The following BABAM2 variants were observed in gnomAD, a reference collection of about 807,000 sequenced individuals.
BABAM2 encodes BRISC and BRCA1 A complex member 2.
BABAM2 carries 31 observed loss-of-function variants against 54.7 expected under a neutral mutation model. That is an observed-to-expected ratio of 0.57 (90% CI 0.43 to 0.77). The LOEUF (loss-of-function observed/expected upper bound fraction) is 0.77. Among genes scored for constraint, BABAM2 ranks in the 30% least tolerant of loss-of-function variants. The probability of loss-of-function intolerance (pLI) is 0.00; values close to 1 mark genes in which losing one functional copy is unlikely to be tolerated. For synonymous variants in BABAM2, 167 were observed against 162.9 expected, an observed-to-expected ratio of 1.03 and a Z score of -0.19; for missense variants, 364 against 455.8, an observed-to-expected ratio of 0.80 and a Z score of 1.83.
intron 7 of BABAM2, among the ~76,000 whole-genome samples, chr2:28,218,106 C>T (rs1007060576): frequency 2.0e-5 from 3 of 152,174 alleles, no homozygotes; most frequent in Non-Finnish European, 4.4e-5. Context: ...TGTATTTATT[C>T]TCTATGTACT....
chr2:27,960,267 G>A (rs1026465183), intron 3 of BABAM2, among the ~76,000 whole-genome samples: 5 of 152,082 alleles, frequency 3.3e-5, no homozygotes, highest in African/African-American at 1.2e-4. Context: ...TGTGAAGGCG[G>A]GTGGAGTTTT....
intron 10 of BABAM2, among the ~76,000 whole-genome samples, chr2:28,297,797 A>G (rs920714206): frequency 2.6e-4 from 39 of 152,314 alleles, no homozygotes; most frequent in African/African-American, 8.7e-4. Flanking sequence ...TCTGGTTGCC[A>G]TATCCTATAA....
chr2:28,042,392 A>G (rs1401933100), intron 5 of BABAM2, among the ~76,000 whole-genome samples: 1 of 152,196 alleles, frequency 6.6e-6, no homozygotes, highest in Non-Finnish European at 1.5e-5. Context: ...GCATACCCCA[A>G]TCTCCAATGT....
At chr2:28,183,951 A>G (rs970639485) in intron 7 of BABAM2, among the ~76,000 whole-genome samples, 4 of 152,104 alleles carry the variant, frequency 2.6e-5, no homozygotes, top group African/African-American at 4.8e-5. Flanking sequence ...TTATTTGCTC[A>G]TAGAGACACA....
intron 6 of BABAM2, among the ~76,000 whole-genome samples, chr2:28,071,681 C>T (rs1046979904): frequency 4.6e-5 from 7 of 152,146 alleles, no homozygotes; most frequent in Admixed American, 1.3e-4. Context: ...GGTTATCCAG[C>T]GTTACAGTTC....
chr2:27,910,584 T>C (rs1303351400), intron 2 of BABAM2, among the ~76,000 whole-genome samples: 2 of 152,236 alleles, frequency 1.3e-5, no homozygotes, highest in Admixed American at 6.5e-5. Flanking sequence ...CACTGACCCC[T>C]CTTCCCATGA....
intron 7 of BABAM2, among the ~76,000 whole-genome samples, chr2:28,221,909 G>T (rs1263071841): frequency 6.6e-6 from 1 of 152,158 alleles, no homozygotes. Context: ...GCGAACTTAA[G>T]GGCTCGCCTT....
intron 2 of BABAM2, among the ~76,000 whole-genome samples, chr2:27,895,608 A>G (rs1665230334): frequency 1.3e-5 from 2 of 152,214 alleles, no homozygotes; most frequent in Middle Eastern, 3.4e-3. Context: ...AAGTTAACTG[A>G]TTTTTCTCCT....
chr2:27,902,094 C>T (rs1665833080), intron 2 of BABAM2, among the ~76,000 whole-genome samples: 1 of 152,106 alleles, frequency 6.6e-6, no homozygotes. Context: ...GACTGTTACA[C>T]TGTTTAAATT....
rs2148243438 is a variant in BABAM2, at chr2:27,890,898, T to C, written c.-25+56T>C. On this transcript the variant is annotated intron_variant, in intron 1 of 11. Coordinates refer to ENST00000379624, the MANE Select transcript of BABAM2 (RefSeq NM_199191.3). The surrounding 1 kb of genome is among the most constrained non-coding windows in gnomAD (Gnocchi z 4.8). ...TGGATCCCGAGTCGCACAGGTGGCGTGGAGAACTGTGGTTTAAATATGGCC... is the reference window on the plus strand; with the variant it reads ...TGGATCCCGAGTCGCACAGGTGGCGCGGAGAACTGTGGTTTAAATATGGCC... 6.6e-6 allele frequency: 1 copy of C among 152,596 alleles called. No homozygotes were observed. The highest frequency in any genetic ancestry group is 6.5e-5 in the Admixed American group (1 of 15,294). The allele number at this position is 152,596 out of a possible 1,614,324, so 9.5% of individuals were successfully genotyped here.
At chr2:28,031,389 C>T (rs1676281882) in intron 5 of BABAM2, among the ~76,000 whole-genome samples, 1 of 152,096 alleles carries the variant, frequency 6.6e-6, no homozygotes, top group Non-Finnish European at 1.5e-5. Context: ...CTTTTTTCTG[C>T]TAGCACAGAG....
chr2:28,277,566 G>A (rs1009143390), intron 10 of BABAM2, among the ~76,000 whole-genome samples: 1 of 152,188 alleles, frequency 6.6e-6, no homozygotes, highest in African/African-American at 2.4e-5. Context: ...ATAATGAAAA[G>A]CAAGAGTACC....
intron 6 of BABAM2, among the ~76,000 whole-genome samples, chr2:28,114,966 T>G (rs1031421999): frequency 6.6e-6 from 1 of 152,220 alleles, no homozygotes; most frequent in Non-Finnish European, 1.5e-5. Context: ...GGCAAATATA[T>G]GTAGTCATTC....
At chr2:28,210,472 G>A (rs550701502) in intron 7 of BABAM2, among the ~76,000 whole-genome samples, 103 of 152,254 alleles carry the variant, frequency 6.8e-4, no homozygotes, top group African/African-American at 2.4e-3. Context: ...GGTGATGGTT[G>A]AGCTAAGTAT....
chr2:28,197,011 T>C (rs1677657125), intron 7 of BABAM2, among the ~76,000 whole-genome samples: 1 of 151,598 alleles, frequency 6.6e-6, no homozygotes, highest in Non-Finnish European at 1.5e-5. Flanking sequence ...ACCTAGTTAA[T>C]TTTTTTGGTA....
chr2:28,147,950 A>C (rs2147768038), intron 7 of BABAM2, among the ~76,000 whole-genome samples: 1 of 152,232 alleles, frequency 6.6e-6, no homozygotes, highest in African/African-American at 2.4e-5. Context: ...TACATTTCAT[A>C]CACCCCCTAA....
chr2:28,141,185 A>G (rs1671020918), intron 7 of BABAM2, among the ~76,000 whole-genome samples: 1 of 152,112 alleles, frequency 6.6e-6, no homozygotes, highest in South Asian at 2.1e-4. Context: ...TCGGTTCATA[A>G]CATACACATA....
chr2:28,186,546 G>C (rs1227087762), intron 7 of BABAM2, among the ~76,000 whole-genome samples: 1 of 151,974 alleles, frequency 6.6e-6, no homozygotes, highest in Non-Finnish European at 1.5e-5. Flanking sequence ...CAGGAGCATT[G>C]CTTGAGCCCA....
chr2:28,313,786 C>A (rs925157351), intron 11 of BABAM2, among the ~76,000 whole-genome samples: 3 of 152,210 alleles, frequency 2.0e-5, no homozygotes, highest in Admixed American at 6.5e-5. Flanking sequence ...AAGACTAACA[C>A]ACACACATTT....
Sources: allele counts gnomAD v4.1 joint callset (sites outside exome capture counted in the v4.1 genomes callset), GRCh38; gene constraint gnomAD v4.1.1; non-coding constraint Gnocchi (gnomAD v3.1); transcripts MANE v1.5; gene names NCBI Gene and HGNC (gene_info 2026-07-23, HGNC 2026-07-21).